The following GRAMD1B variants were observed in gnomAD, a reference collection of about 807,000 sequenced individuals.
GRAMD1B encodes the protein GRAM domain containing 1B.
GRAMD1B carries 37 observed loss-of-function variants against 99.7 expected under a neutral mutation model. The observed-to-expected ratio is 0.37, with a 90% CI of 0.29 to 0.49. GRAMD1B has a LOEUF of 0.49. Among genes scored for constraint, GRAMD1B ranks in the 20% least tolerant of loss-of-function variants. The pLI, the probability that GRAMD1B is intolerant of heterozygous loss-of-function variation, is 0.98. For synonymous variants in GRAMD1B, 427 were observed against 387.6 expected (o/e 1.10, Z -1.19); for missense variants, 888 against 1,009.2 (o/e 0.88, Z 1.63).
intron 1 of GRAMD1B, among the ~76,000 whole-genome samples, chr11:123,377,048 A>C (rs1419991321): frequency 2.6e-5 from 4 of 152,234 alleles, no homozygotes; most frequent in Admixed American, 6.5e-5. Context: ...CGCCTGCCTG[A>C]ATAATCTCCA....
intron 1 of GRAMD1B, among the ~76,000 whole-genome samples, chr11:123,393,341 C>A (rs978005478): frequency 6.6e-6 from 1 of 152,142 alleles, no homozygotes; most frequent in Non-Finnish European, 1.5e-5. Context: ...ACAAATTACC[C>A]AGAACATAGC....
chr11:123,439,032 A>G (rs751949), intron 1 of GRAMD1B, among the ~76,000 whole-genome samples: 25,247 of 152,130 alleles, frequency 0.17, 2,295 homozygotes, highest in African/African-American at 0.24. Flanking sequence ...ATTTGCCCCA[A>G]TGGGATTCTT....
At chr11:123,479,372 A>G (rs546741246) in intron 1 of GRAMD1B, among the ~76,000 whole-genome samples, 1 of 152,356 alleles carries the variant, frequency 6.6e-6, no homozygotes, top group South Asian at 2.1e-4. Context: ...CACTGGAGCA[A>G]GCACTTGCTC....
At chr11:123,527,173 A>G (rs1242448716) in intron 2 of GRAMD1B, among the ~76,000 whole-genome samples, 1 of 152,108 alleles carries the variant, frequency 6.6e-6, no homozygotes, top group Non-Finnish European at 1.5e-5. Flanking sequence ...CTGGCTGTCC[A>G]CGCGTGGGGT....
At chr11:123,383,499 G>A (rs867554875) in intron 1 of GRAMD1B, among the ~76,000 whole-genome samples, 31 of 152,100 alleles carry the variant, frequency 2.0e-4, no homozygotes, top group African/African-American at 4.8e-5. Context: ...CTTTATCTGT[G>A]TCAGTATCTT....
In GRAMD1B at chr11:123,510,905, C is replaced by A. The variant is rs897137018; in HGVS notation, c.452+30012C>A. Among the ~76,000 whole-genome samples the A allele has an allele frequency of 1.3e-5, 2 of 152,140 alleles. No homozygotes were observed. The highest frequency in any genetic ancestry group is 2.9e-5 in the Non-Finnish European group (2 of 68,016). ...AGGTCCTACAAAGCACATGCCCCAC[C>A]TTGGTGTGCTTGGAAGTCGGAGTGG... On this transcript the variant is annotated intron_variant, in intron 2 of 19. Transcript: ENST00000635736. The surrounding 1 kb of genome is among the most constrained non-coding windows in gnomAD (Gnocchi z 4.3).
chr11:123,502,151 T>C (rs1939930588), intron 2 of GRAMD1B, among the ~76,000 whole-genome samples: 1 of 152,208 alleles, frequency 6.6e-6, no homozygotes, highest in Admixed American at 6.5e-5. Context: ...TCTGTGAGCA[T>C]AGTCTGTTTG....
intron 1 of GRAMD1B, among the ~76,000 whole-genome samples, chr11:123,458,199 A>G (rs1950248591): frequency 6.6e-6 from 1 of 152,180 alleles, no homozygotes; most frequent in Non-Finnish European, 1.5e-5. Context: ...AGACCCTGGG[A>G]TGCTGGTAGC....
At chr11:123,499,516 C>T (rs550909091) in intron 2 of GRAMD1B, among the ~76,000 whole-genome samples, 9 of 152,250 alleles carry the variant, frequency 5.9e-5, no homozygotes, top group Non-Finnish European at 8.8e-5. Flanking sequence ...TGGAGGGGTA[C>T]GTAATTAAGT....
At chr11:123,601,292 A>G (rs942318268) in intron 8 of GRAMD1B, among the ~76,000 whole-genome samples, 1 of 152,144 alleles carries the variant, frequency 6.6e-6, no homozygotes, top group Admixed American at 6.5e-5. Context: ...AAATGAAACT[A>G]TGAAGAGACA....
chr11:123,422,314 C>T lies in GRAMD1B; in HGVS notation c.-175-58502C>T, dbSNP rs149254076. Among the ~76,000 whole-genome samples the T allele has an allele frequency of 3.9e-5, 6 of 152,296 alleles. 1 individual carries two copies. The East Asian group carries it at 1.2e-3, about 29-fold the overall frequency. On this transcript the variant is annotated intron_variant, in intron 1 of 20. Coordinates refer to the GRAMD1B transcript ENST00000638157. ...AGAGTTCGCACCAAGTGCAGAATTG[C>T]ATAGAGGTGAATTGTTTACAGTTAC...
At chr11:123,490,231 G>C (rs756349957) in intron 2 of GRAMD1B, among the ~76,000 whole-genome samples, 1 of 152,204 alleles carries the variant, frequency 6.6e-6, no homozygotes, top group African/African-American at 2.4e-5. Context: ...GGCCAGAGGG[G>C]TTGGGGCCAA....
rs1204413870 is a variant in GRAMD1B at position 123,627,332 on chromosome 11, CT to C, written c.*4739del. 6.6e-6 allele frequency: 1 copy of C among 152,304 alleles called. No homozygotes were observed. Among genetic ancestry groups the C allele is most frequent in the Non-Finnish European group, 1.5e-5 (1 of 68,088 alleles). The allele number at this position is 152,304 out of a possible 1,614,324, so 9.4% of individuals were successfully genotyped here. ...AAACAGCCATTTTTGCCAACAATAG[CT>C]TGTGGCTCCCCACATTTTCCTACCC... On this transcript the variant is annotated 3_prime_UTR_variant, in exon 20 of 20. Coordinates refer to ENST00000635736, the MANE Select transcript of GRAMD1B (RefSeq NM_001387025.1).
chr11:123,608,487 G>A (rs1953044496), intron 11 of GRAMD1B, 172 bp from the exon 12 acceptor site: 1 of 1,525,430 alleles, frequency 6.6e-7, no homozygotes, highest in Non-Finnish European at 8.8e-7. Context: ...GAGACCGAAA[G>A]CAAAGTCATA....
chr11:123,466,394 AAAAGAAAGAAAGGAAGAAAGAAAG>A (rs1950670455), intron 1 of GRAMD1B, among the ~76,000 whole-genome samples: 2 of 151,526 alleles, frequency 1.3e-5, no homozygotes, highest in Non-Finnish European at 2.9e-5. Context: ...GAAAGAAAGA[AAAAGAAAGAAAGGAAGAAAGAAAG>A]AGAAAAAGAA....
At chr11:123,501,193 C>A (rs1423135025) in intron 2 of GRAMD1B, among the ~76,000 whole-genome samples, 1 of 151,728 alleles carries the variant, frequency 6.6e-6, no homozygotes, top group Admixed American at 6.6e-5. Flanking sequence ...TTTTTTGAGA[C>A]AGAGTCTCGC....
intron 1 of GRAMD1B, among the ~76,000 whole-genome samples, chr11:123,445,001 A>T (rs1949574075): frequency 6.6e-6 from 1 of 152,196 alleles, no homozygotes; most frequent in Admixed American, 6.5e-5. Flanking sequence ...TATGGGGCTC[A>T]TTACAAATAA....
At chr11:123,419,157 C>G (rs954927391) in intron 1 of GRAMD1B, among the ~76,000 whole-genome samples, 1 of 152,158 alleles carries the variant, frequency 6.6e-6, no homozygotes, top group Non-Finnish European at 1.5e-5. Context: ...ACTTGAAGAG[C>G]AAGAGCAGAC....
At chr11:123,614,953 T>C in intron 17 of GRAMD1B, 118 bp downstream of exon 17, 1 of 597,594 alleles carries the variant, frequency 1.7e-6, no homozygotes, top group Non-Finnish European at 3.0e-6. Context: ...GGTTTTTGCC[T>C]TATCCTCTAG....
Sources: gnomAD v4.1 joint callset for allele counts (sites outside exome capture counted in the v4.1 genomes callset) on GRCh38, gnomAD v4.1.1 for gene constraint, Gnocchi (gnomAD v3.1) non-coding constraint, MANE v1.5 for transcripts, NCBI Gene and HGNC (gene_info 2026-07-23, HGNC 2026-07-21) for gene names.